The following FBXO25 variants were observed in gnomAD, a reference collection of about 807,000 sequenced individuals.
FBXO25 encodes F-box only protein 25.
Under a neutral mutation model 51.9 loss-of-function variants are expected in FBXO25, and 45 were observed. The observed-to-expected ratio is 0.87, with a 90% CI of 0.68 to 1.11. The LOEUF (loss-of-function observed/expected upper bound fraction) is 1.11. Among genes scored for constraint, FBXO25 ranks in the 50% most tolerant of loss-of-function variants. The probability of loss-of-function intolerance (pLI) is 0.00; values close to 1 mark genes in which losing one functional copy is unlikely to be tolerated. For synonymous variants in FBXO25, 199 were observed against 151.0 expected (o/e 1.32, Z -2.33); for missense variants, 507 against 428.5 (o/e 1.18, Z -1.62).
Position 451,470 on chromosome 8 carries a change from A to C in FBXO25, c.660+17A>C. On this transcript the variant is annotated intron_variant, in intron 7 of 9. Coordinates refer to ENST00000350302, the MANE Select transcript of FBXO25 (RefSeq NM_183420.2). ...ATGACTAAGGTATAAATATCTCGGC[A>C]TAAGAGTTATTACACTCTGTTTTTA... 6.2e-7 allele frequency: 1 copy of C among 1,607,242 alleles called. No homozygotes were observed. The highest frequency in any genetic ancestry group is 8.5e-7 in the Non-Finnish European group (1 of 1,176,054).
chr8:463,069 AC>A lies in FBXO25; in HGVS notation c.907del (p.Leu303PhefsTer68). On this transcript the variant is annotated frameshift_variant, in exon 9 of 10. Transcript: ENST00000350302. LOFTEE classifies it high-confidence loss of function. ...TTGAATGGAAGTTGATGTACTTTGC[AC>A]TTCAGAAACATTACCCAGCGAAGGA... ...HIEWKLMYFA[L>X]QKHYPAKEQY... 1 of 1,614,018 alleles carries A rather than the reference AC, an allele frequency of 6.2e-7. No homozygotes were observed. Among genetic ancestry groups the A allele is most frequent in the Non-Finnish European group, 8.5e-7 (1 of 1,180,000 alleles).
rs572624912 is a variant in FBXO25, at chr8:468,874, C to A, written c.*70C>A. On this transcript the variant is annotated 3_prime_UTR_variant, in exon 10 of 10. Transcript: ENST00000350302. ...CTGTGCAGGGCTCATAGTGAGTGTT[C>A]TGTGAGGTGGGTGGAGACTCCTCGG... The A allele has an allele frequency of 1.2e-5, 17 of 1,467,718 alleles. No homozygotes were observed. In the East Asian group the frequency reaches 3.9e-4, roughly 34 times the overall value. The allele number at this position is 1,467,718 out of a possible 1,614,324, so 90.9% of individuals were successfully genotyped here.
chr8:421,629 G>C (rs1166442601), intron 2 of FBXO25, among the ~76,000 whole-genome samples: 1 of 152,180 alleles, frequency 6.6e-6, no homozygotes, highest in East Asian at 1.9e-4. Flanking sequence ...AGAAATGTGG[G>C]TCTATGCATG....
intron 9 of FBXO25, among the ~76,000 whole-genome samples, chr8:465,937 T>C (rs1800128447): frequency 6.6e-6 from 1 of 152,232 alleles, no homozygotes; most frequent in Non-Finnish European, 1.5e-5. Flanking sequence ...AACTTTGTTA[T>C]CATACTTGAT....
At chr8:424,273 A>C (rs1347211765) in intron 2 of FBXO25, among the ~76,000 whole-genome samples, 3 of 152,034 alleles carry the variant, frequency 2.0e-5, no homozygotes, top group African/African-American at 7.2e-5. Context: ...GGCCTTTGTC[A>C]GACGCATAGT....
At chr8:463,781 T>C (rs1478233624) in intron 9 of FBXO25, among the ~76,000 whole-genome samples, 1 of 152,212 alleles carries the variant, frequency 6.6e-6, no homozygotes, top group Non-Finnish European at 1.5e-5. Context: ...AGAATGTTTT[T>C]CACAGTCAGA....
In FBXO25 at chr8:424,162, A is replaced by G. The variant is rs141164653; in HGVS notation, c.135-7179A>G. Among the ~76,000 whole-genome samples, 1,384 of 140,544 alleles carry G rather than the reference A, an allele frequency of 9.8e-3. 20 individuals carry two copies. Among genetic ancestry groups the G allele is most frequent in the African/African-American group, 0.035 (1,294 of 36,554 alleles). 92.2% of individuals were successfully genotyped at this position (140,544 alleles called of 152,430 possible). On this transcript the variant is annotated intron_variant, in intron 2 of 9. Transcript: ENST00000350302. Reference sequence around the variant, plus strand: ...GAGACAGAGTCTCACTCTGACACCCAGGCTGGAGTGCAGTGGCGCAATTTC... The same window carrying G: ...GAGACAGAGTCTCACTCTGACACCCGGGCTGGAGTGCAGTGGCGCAATTTC...
intron 2 of FBXO25, among the ~76,000 whole-genome samples, chr8:415,359 C>G (rs1268713068): frequency 6.6e-6 from 1 of 152,162 alleles, no homozygotes; most frequent in African/African-American, 2.4e-5. Context: ...CATGGTTGAT[C>G]TGGGGGCAGC....
chr8:417,260 T>C (rs1796864280), intron 2 of FBXO25, among the ~76,000 whole-genome samples: 1 of 152,206 alleles, frequency 6.6e-6, no homozygotes, highest in Non-Finnish European at 1.5e-5. Flanking sequence ...AGAAGAGTGA[T>C]TTGTTCAGGC....
chr8:468,644 C>G (rs911370303), intron 9 of FBXO25, 71 bp from the exon 10 acceptor site: 42 of 1,187,104 alleles, frequency 3.5e-5, no homozygotes, highest in Non-Finnish European at 5.1e-5. Context: ...AGCTGACGAC[C>G]CCTCAAGCAC....
chr8:438,965 G>C (rs751878345), intron 5 of FBXO25, among the ~76,000 whole-genome samples: 17 of 152,158 alleles, frequency 1.1e-4, no homozygotes, highest in Admixed American at 2.6e-4. Context: ...GTTCACTGCT[G>C]TTCACCCACT....
chr8:452,903 T>A (rs900026461), intron 7 of FBXO25, among the ~76,000 whole-genome samples: 1 of 152,212 alleles, frequency 6.6e-6, no homozygotes, highest in African/African-American at 2.4e-5. Context: ...CATGGCTGTA[T>A]GCTGAGCTTC....
At chr8:457,430 C>G (rs1417965251) in intron 7 of FBXO25, among the ~76,000 whole-genome samples, 2 of 152,182 alleles carry the variant, frequency 1.3e-5, no homozygotes, top group African/African-American at 2.4e-5. Context: ...CAGCCTGGCA[C>G]GTGCACACAC....
chr8:455,902 C>A (rs965752921), intron 7 of FBXO25, among the ~76,000 whole-genome samples: 6 of 152,198 alleles, frequency 3.9e-5, no homozygotes, highest in African/African-American at 1.4e-4. Context: ...TCTGCGACAC[C>A]CTCTTGTTAT....
chr8:467,928 A>T (rs1416071473), intron 9 of FBXO25: 28 of 1,441,258 alleles, frequency 1.9e-5, no homozygotes, highest in Non-Finnish European at 2.4e-5. Flanking sequence ...CAAGGACGAG[A>T]GTGTTGATGA....
At chr8:444,810 C>G (rs1321416712) in intron 5 of FBXO25, among the ~76,000 whole-genome samples, 1 of 152,150 alleles carries the variant, frequency 6.6e-6, no homozygotes, top group Non-Finnish European at 1.5e-5. Flanking sequence ...GTTACAGTTG[C>G]TGTTCAGTGC....
chr8:434,554 T>G (rs1347548626), intron 4 of FBXO25, among the ~76,000 whole-genome samples: 3 of 152,208 alleles, frequency 2.0e-5, no homozygotes, highest in African/African-American at 4.8e-5. Flanking sequence ...CAGAAGCACA[T>G]GAGCCTCTGA....
At chr8:467,822 C>A in intron 9 of FBXO25, 1 of 1,604,226 alleles carries the variant, frequency 6.2e-7, no homozygotes, top group South Asian at 1.1e-5. Flanking sequence ...TGCACGTCAT[C>A]TTGGCCACTG....
chr8:435,768 T>C lies in FBXO25; in HGVS notation c.381+61T>C, dbSNP rs1363974775. The C allele has an allele frequency of 5.2e-6, 8 of 1,553,136 alleles. No individual in the cohort carries two copies. The East Asian group carries it at 1.4e-4, about 27-fold the overall frequency. Reference sequence around the variant, plus strand: ...CTTTTGAACAACTATATTTTGAAGATTGTAAGTGTACAACGTTGAAGATGC... The same window carrying C: ...CTTTTGAACAACTATATTTTGAAGACTGTAAGTGTACAACGTTGAAGATGC... On this transcript the variant is annotated intron_variant, in intron 5 of 9. Transcript: ENST00000350302.
Sources: allele counts gnomAD v4.1 joint callset (sites outside exome capture counted in the v4.1 genomes callset), GRCh38; gene constraint gnomAD v4.1.1; transcripts MANE v1.5; gene names NCBI Gene and HGNC (gene_info 2026-07-23, HGNC 2026-07-21).